WDR20: variants seen among roughly 807,000 people sequenced by gnomAD.
WDR20 encodes the protein WD repeat domain 20.
In WDR20, 3 loss-of-function variants were observed where a neutral mutation model predicts 38.7. The ratio of observed to expected loss-of-function variants is 0.08; its 90% CI spans 0.04 to 0.20. The LOEUF (loss-of-function observed/expected upper bound fraction) is 0.20. Ranked by LOEUF, WDR20 falls within the 10% of genes least tolerant of loss-of-function variation. WDR20 has a pLI of 1.00. For synonymous variants in WDR20, 298 were observed against 285.6 expected (o/e 1.04, Z -0.44); for missense variants, 559 against 727.7 (o/e 0.77, Z 2.67).
intron 1 of WDR20, among the ~76,000 whole-genome samples, chr14:102,161,829 A>T (rs1251869300): frequency 6.6e-6 from 1 of 152,176 alleles, no homozygotes; most frequent in African/African-American, 2.4e-5. Flanking sequence ...AATATCCAGG[A>T]TGAGAATGAA....
chr14:102,150,470 CA>C (rs1300614889), intron 1 of WDR20, among the ~76,000 whole-genome samples: 1 of 151,754 alleles, frequency 6.6e-6, no homozygotes, highest in East Asian at 1.9e-4. Flanking sequence ...GAGACCATCT[CA>C]AAAAAAAGTA....
intron 2 of WDR20, among the ~76,000 whole-genome samples, chr14:102,206,328 G>A (rs973557397): frequency 2.0e-5 from 3 of 152,128 alleles, no homozygotes; most frequent in Admixed American, 2.0e-4. Context: ...TTTTTAATGT[G>A]TTTTGTCATT....
Position 102,222,913 on chromosome 14 carries a change from G to A in WDR20, c.*30G>A, listed in dbSNP as rs369661256. ...CTCACTGCTGCGCGCACAGTCTCCC[G>A]GGACTTGGACTCGAGGGAGTGACGA... On this transcript the variant is annotated 3_prime_UTR_variant, in exon 4 of 4. Transcript: ENST00000335263. This position sits in a 1 kb window ranked among gnomAD's most constrained non-coding sequence, Gnocchi z 4.4. 1.4e-5 allele frequency: 23 copies of A among 1,613,518 alleles called. No homozygotes were observed. The highest frequency in any genetic ancestry group is 9.3e-5 in the African/African-American group (7 of 74,912).
At chr14:102,155,661 A>C (rs888908582) in intron 1 of WDR20, among the ~76,000 whole-genome samples, 6 of 152,250 alleles carry the variant, frequency 3.9e-5, no homozygotes, top group Admixed American at 3.9e-4. Context: ...ATTTCACTTT[A>C]AAAAATTTAT....
chr14:102,198,008 C>G (rs553579731), intron 2 of WDR20: 1 of 481,250 alleles, frequency 2.1e-6, no homozygotes, highest in East Asian at 3.1e-5. Flanking sequence ...GCACCACCCC[C>G]GAAACACTGG....
rs1216309684 is a variant in WDR20, at chr14:102,209,172, C to T, written c.1002C>T (p.Phe334=). Residue 334 remains phenylalanine (F), a synonymous_variant, in exon 3 of 3, where the codon TTC becomes TTT. Transcript: ENST00000342702. This position sits in a 1 kb window ranked among gnomAD's most constrained non-coding sequence, Gnocchi z 6.0. ...AGTTTAGTGGCAGCGATGAGGACTTCCAAGACCTTCTTCATTTTGGCAGAG... is the reference window on the plus strand; with the variant it reads ...AGTTTAGTGGCAGCGATGAGGACTTTCAAGACCTTCTTCATTTTGGCAGAG... The part of the protein sequence containing the change: ...PMEFSGSDED[F]QDLLHFGRDR... The T allele has an allele frequency of 2.5e-6, 4 of 1,613,998 alleles. No homozygotes were observed. Among genetic ancestry groups the T allele is most frequent in the African/African-American group, 1.3e-5 (1 of 74,876 alleles).
chr14:102,214,562 C>G, downstream of WDR20: 1 of 985,376 alleles, frequency 1.0e-6, no homozygotes, highest in Non-Finnish European at 1.2e-6. Context: ...GCTATCCTTT[C>G]ATTTGAAAGT....
At position 102,149,602 on chromosome 14, in the gene WDR20, C is replaced by G. The variant is rs147269676; in HGVS notation, c.249+9430C>G. Among the ~76,000 whole-genome samples the G allele has an allele frequency of 7.4e-3, 1,130 of 152,258 alleles. 15 individuals are homozygous for G. Among genetic ancestry groups the G allele is most frequent in the African/African-American group, 0.025 (1,057 of 41,542 alleles). ...TATTTCTGATTGAGCGTAAGATGTC[C>G]ACTGCTCTTTTAGCATTTTTCTCAA... On this transcript the variant is annotated intron_variant, in intron 1 of 2. Coordinates refer to ENST00000342702, the MANE Select transcript of WDR20 (RefSeq NM_144574.4).
intron 1 of WDR20, among the ~76,000 whole-genome samples, chr14:102,161,119 T>TGGGTCAAA (rs2058555764): frequency 2.9e-5 from 1 of 35,064 alleles, no homozygotes; most frequent in Non-Finnish European, 5.8e-5. Context: ...AAAGCATAAC[T>TGGGTCAAA]GCATATATAT....
intron 1 of WDR20, among the ~76,000 whole-genome samples, chr14:102,171,710 A>G (rs898428530): frequency 6.6e-6 from 1 of 151,836 alleles, no homozygotes; most frequent in Non-Finnish European, 1.5e-5. Context: ...TGACTTAAAA[A>G]TAACGGTGGA....
chr14:102,183,753 A>C (rs1474872777), intron 1 of WDR20, among the ~76,000 whole-genome samples: 1 of 152,300 alleles, frequency 6.6e-6, no homozygotes. Context: ...ATTGTTGCTT[A>C]TGTTACTCAG....
At chr14:102,163,760 A>G (rs749751758) in intron 1 of WDR20, among the ~76,000 whole-genome samples, 19 of 152,036 alleles carry the variant, frequency 1.2e-4, no homozygotes, top group Non-Finnish European at 2.4e-4. Flanking sequence ...GAAGCTTTAC[A>G]TAGTGTCTTC....
chr14:102,166,486 C>T (rs1398614770), intron 1 of WDR20, among the ~76,000 whole-genome samples: 1 of 152,120 alleles, frequency 6.6e-6, no homozygotes, highest in Non-Finnish European at 1.5e-5. Flanking sequence ...GTTCACATGT[C>T]CATATCATTA....
intron 1 of WDR20, among the ~76,000 whole-genome samples, chr14:102,186,960 A>AG (rs1208734573): frequency 6.6e-6 from 1 of 151,132 alleles, no homozygotes; most frequent in Non-Finnish European, 1.5e-5. Flanking sequence ...AGGAAAAAAA[A>AG]AAAAGTTCCA....
chr14:102,183,114 T>G (rs8016771), intron 1 of WDR20, among the ~76,000 whole-genome samples: 14,436 of 152,102 alleles, frequency 0.095, 735 homozygotes, highest in African/African-American at 0.13. Context: ...TTTAGGTTAT[T>G]TGAGGATATT....
chr14:102,142,774 C>CTTTTTTT (rs71116885), intron 1 of WDR20, among the ~76,000 whole-genome samples: 9 of 85,038 alleles, frequency 1.1e-4, no homozygotes, highest in Non-Finnish European at 1.5e-4. Context: ...GCTGTTTTGA[C>CTTTTTTT]TTTTTTTTTT....
chr14:102,143,967 A>G (rs2052543856), intron 1 of WDR20, among the ~76,000 whole-genome samples: 1 of 151,816 alleles, frequency 6.6e-6, no homozygotes, highest in Non-Finnish European at 1.5e-5. Context: ...GCTTGAGCCC[A>G]GGAGTTTGAG....
intron 1 of WDR20, among the ~76,000 whole-genome samples, chr14:102,188,161 CTGAGA>C (rs1306778761): frequency 2.6e-5 from 4 of 152,160 alleles, no homozygotes; most frequent in Middle Eastern, 3.2e-3. Context: ...CAAAAGAGCT[CTGAGA>C]TATTTTTCAT....
At chr14:102,216,889 C>T (rs111375990), downstream of WDR20, among the ~76,000 whole-genome samples, 4,060 of 150,692 alleles carry the variant, frequency 0.027, 70 homozygotes, top group Non-Finnish European at 0.044. Context: ...GTCGAGATGG[C>T]GCCACTGCAC....
Sources: gnomAD v4.1 joint callset for allele counts (sites outside exome capture counted in the v4.1 genomes callset) on GRCh38, gnomAD v4.1.1 for gene constraint, Gnocchi (gnomAD v3.1) non-coding constraint, MANE v1.5 for transcripts, NCBI Gene and HGNC (gene_info 2026-07-23, HGNC 2026-07-21) for gene names.